The following NTN1 variants were observed in gnomAD, a reference collection of about 807,000 sequenced individuals.
The protein encoded by NTN1 is netrin 1, also known as netrin-1.
In NTN1, 11 loss-of-function variants were observed where a neutral mutation model predicts 54.2. The ratio of observed to expected loss-of-function variants is 0.20; its 90% CI spans 0.13 to 0.34. The LOEUF (loss-of-function observed/expected upper bound fraction) is 0.34. NTN1 is among the 10% of genes least tolerant of loss of function. The pLI, the probability that NTN1 is intolerant of heterozygous loss-of-function variation, is 1.00. For synonymous variants in NTN1, 371 were observed against 382.0 expected (o/e 0.97, Z 0.33); for missense variants, 740 against 893.1 (o/e 0.83, Z 2.18).
intron 3 of NTN1, among the ~76,000 whole-genome samples, chr17:9,178,716 C>T (rs2092408843): frequency 6.6e-6 from 1 of 152,256 alleles, no homozygotes; most frequent in Non-Finnish European, 1.5e-5. Context: ...CGACTCCCCA[C>T]TTCCAGCCTC....
At chr17:9,161,815 G>A (rs1036152473) in intron 2 of NTN1, among the ~76,000 whole-genome samples, 1 of 152,140 alleles carries the variant, frequency 6.6e-6, no homozygotes, top group Non-Finnish European at 1.5e-5. Flanking sequence ...TTGTGCTTCT[G>A]CTGATCATGC....
chr17:9,097,404 C>G (rs996726640), intron 2 of NTN1, among the ~76,000 whole-genome samples: 2 of 152,168 alleles, frequency 1.3e-5, no homozygotes, highest in Non-Finnish European at 2.9e-5. Flanking sequence ...GTGGGCAAAT[C>G]ACGAGGTCGG....
intron 2 of NTN1, among the ~76,000 whole-genome samples, chr17:9,136,119 A>G (rs1326702718): frequency 2.0e-5 from 3 of 152,210 alleles, no homozygotes; most frequent in Admixed American, 1.3e-4. Context: ...CAGCTTGACA[A>G]GAGTGGGCAG....
chr17:9,061,611 A>G (rs1256700911), intron 2 of NTN1, among the ~76,000 whole-genome samples: 1 of 152,120 alleles, frequency 6.6e-6, no homozygotes. Flanking sequence ...TGGTGTTGAT[A>G]TTGCTAGTCT....
the NTN1 span, among the ~76,000 whole-genome samples, chr17:9,004,561 T>TTGA: frequency 1.3e-5 from 2 of 152,214 alleles, no homozygotes; most frequent in Non-Finnish European, 2.9e-5. Context: ...GGCCTTCCTG[T>TTGA]TGCGGCACCC....
intron 6 of NTN1, among the ~76,000 whole-genome samples, chr17:9,227,849 C>T (rs1905650178): frequency 6.6e-6 from 1 of 151,128 alleles, no homozygotes; most frequent in Non-Finnish European, 1.5e-5. Flanking sequence ...CATTATCGCA[C>T]ACATGCACAC....
intron 2 of NTN1, among the ~76,000 whole-genome samples, chr17:9,161,197 G>C (rs1415888520): frequency 6.6e-6 from 1 of 152,134 alleles, no homozygotes; most frequent in Non-Finnish European, 1.5e-5. Context: ...TGGTGGGGTG[G>C]AGCGGGGCTG....
intron 5 of NTN1, among the ~76,000 whole-genome samples, chr17:9,217,503 T>C (rs1905240727): frequency 6.6e-6 from 1 of 152,156 alleles, no homozygotes; most frequent in Non-Finnish European, 1.5e-5. Context: ...GGTTTGTCCA[T>C]CTTGAAGCAC....
intron 5 of NTN1, among the ~76,000 whole-genome samples, chr17:9,218,256 C>T (rs996751338): frequency 1.3e-5 from 2 of 152,218 alleles, no homozygotes; most frequent in Non-Finnish European, 2.9e-5. Context: ...CAGACTGCCT[C>T]ATTGGGCACA....
Position 9,215,250 on chromosome 17 carries a change from TACACACACACACACAC to T in NTN1, c.1412-5894_1412-5879del, listed in dbSNP as rs58245153. On this transcript the variant is annotated intron_variant, in intron 5 of 6. Coordinates refer to ENST00000173229, the MANE Select transcript of NTN1 (RefSeq NM_004822.3). The stretch of plus-strand genomic sequence containing the variant: ...TTTTATATATACATAGCTAGATAGA[TACACACACACACACAC>T]ACACACACACACACACACACACATA... Among the ~76,000 whole-genome samples the T allele has an allele frequency of 3.6e-5, 5 of 138,314 alleles. 1 individual carries two copies. The highest frequency in any genetic ancestry group is 4.6e-4 in the South Asian group (2 of 4,342). 90.7% of individuals were successfully genotyped at this position (138,314 alleles called of 152,430 possible). A position where few individuals can be genotyped will look rare whatever the true frequency, so the allele number is the denominator to read the frequency against.
At chr17:9,008,924 C>T in the NTN1 span, among the ~76,000 whole-genome samples, 1 of 152,080 alleles carries the variant, frequency 6.6e-6, no homozygotes, top group Admixed American at 6.5e-5. Flanking sequence ...GCCTGTAGTC[C>T]CAGCTACCTG....
intron 5 of NTN1, among the ~76,000 whole-genome samples, chr17:9,213,707 CTG>C: frequency 6.6e-6 from 1 of 152,256 alleles, no homozygotes; most frequent in African/African-American, 2.4e-5. Flanking sequence ...CCATCTTTTT[CTG>C]TGTTTCTGAA....
rs192547642 is a variant in NTN1 at position 9,228,605 on chromosome 17, A to G, written c.1486+7363A>G. 8.9e-4 allele frequency among the ~76,000 whole-genome samples: 136 copies of G among 152,366 alleles called. 1 individual carries two copies. The highest frequency in any genetic ancestry group is 2.5e-3 in the African/African-American group (106 of 41,586). On this transcript the variant is annotated intron_variant, in intron 6 of 6. Transcript: ENST00000173229. ...AAGGTGAGATCATCTCACTTCTGCC[A>G]GTTCTTGGAAAAGTTATTCGTTCCC...
chr17:9,150,881 G>C (rs1597506895), intron 2 of NTN1, among the ~76,000 whole-genome samples: 1 of 152,210 alleles, frequency 6.6e-6, no homozygotes, highest in African/African-American at 2.4e-5. Flanking sequence ...CGGGTGCCCG[G>C]CACAGCGGGA....
chr17:9,032,513 G>C (rs1173240463), intron 2 of NTN1, among the ~76,000 whole-genome samples: 1 of 152,192 alleles, frequency 6.6e-6, no homozygotes, highest in East Asian at 1.9e-4. Flanking sequence ...AACCACATCT[G>C]TGTGGTATTG....
Position 9,022,685 on chromosome 17 carries a change from G to T in NTN1, c.312G>T (p.Pro104=), listed in dbSNP as rs1291260600. 2 of 1,586,692 alleles carry T rather than the reference G, an allele frequency of 1.3e-6. No homozygotes were observed. Among genetic ancestry groups the T allele is most frequent in the Non-Finnish European group, 1.7e-6 (2 of 1,168,040 alleles). The change falls in exon 2 of 7, where the codon CCG becomes CCT. Residue 104 remains proline (P), a synonymous_variant. Transcript: ENST00000173229. ...CGTCCGACCCCAAGAAGGCGCACCCGCCCGCCTTCCTCACCGACCTCAACA... is the reference window on the plus strand; with the variant it reads ...CGTCCGACCCCAAGAAGGCGCACCCTCCCGCCTTCCTCACCGACCTCAACA... ...CNASDPKKAH[P]PAFLTDLNNP...
chr17:9,194,795 C>T (rs1021242093), intron 5 of NTN1, among the ~76,000 whole-genome samples: 9 of 152,176 alleles, frequency 5.9e-5, no homozygotes, highest in African/African-American at 1.9e-4. Flanking sequence ...TGGGACTCTT[C>T]TAGTGGGGGG....
intron 2 of NTN1, among the ~76,000 whole-genome samples, chr17:9,156,999 G>A (rs897403639): frequency 1.8e-4 from 19 of 103,698 alleles, no homozygotes; most frequent in Admixed American, 9.6e-4. Context: ...CCATCCATCC[G>A]TCCATCCCTC....
intron 1 of NTN1, 73 bp from the exon 2 acceptor site, chr17:9,022,238 T>G: frequency 9.8e-7 from 1 of 1,021,382 alleles, no homozygotes; most frequent in Non-Finnish European, 1.3e-6. Context: ...CTCCCGCATC[T>G]CCGCTCGCCA....
Sources: gnomAD v4.1 joint callset for allele counts (sites outside exome capture counted in the v4.1 genomes callset) on GRCh38, gnomAD v4.1.1 for gene constraint, MANE v1.5 for transcripts, NCBI Gene and HGNC (gene_info 2026-07-23, HGNC 2026-07-21) for gene names.